Variants in HAS3 observed in about 807,000 individuals in gnomAD.
HAS3 encodes the protein hyaluronan synthase 3.
A neutral mutation model predicts 50.3 loss-of-function variants in HAS3; 27 were observed. That is an observed-to-expected ratio of 0.54 (90% confidence interval 0.40 to 0.74). The LOEUF (loss-of-function observed/expected upper bound fraction) is 0.74. HAS3 is among the 30% of genes least tolerant of loss of function. The pLI, the probability that HAS3 is intolerant of heterozygous loss-of-function variation, is 0.00. For missense variants in HAS3, 517 were observed against 742.8 expected, an observed-to-expected ratio of 0.70 and a Z score of 3.53; for synonymous variants, 339 against 310.9, an observed-to-expected ratio of 1.09 and a Z score of -0.95.
At chr16:69,111,508 C>T (rs1961001027) in intron 2 of HAS3, among the ~76,000 whole-genome samples, 1 of 152,216 alleles carries the variant, frequency 6.6e-6, no homozygotes, top group Admixed American at 6.5e-5. Context: ...GCCAGCCCAC[C>T]TGTGTACCAA....
downstream of HAS3, chr16:69,117,709 G>A (rs921175918): frequency 1.3e-4 from 125 of 928,636 alleles, no homozygotes; most frequent in Admixed American, 1.9e-4. Flanking sequence ...CTTTATTCCA[G>A]TTTCCAAAGA....
the HAS3 span, among the ~76,000 whole-genome samples, chr16:69,096,131 G>A: frequency 2.7e-5 from 4 of 149,768 alleles, no homozygotes; most frequent in Non-Finnish European, 5.9e-5. Context: ...CAGGAGAATC[G>A]CTTGAACCTA....
chr16:69,117,211 A>G lies in HAS3; in HGVS notation c.*1945A>G, dbSNP rs150005903. ...AGGAAATCCGGTCAGCCAAGTGCAG[A>G]GTTCAGACTTCGCTAAGGGCTTGTT... On this transcript the variant is annotated 3_prime_UTR_variant, in exon 4 of 4. Transcript: ENST00000569188. The G allele has an allele frequency of 9.3e-4, 917 of 985,876 alleles. 47 individuals carry two copies. In the Admixed American group the frequency reaches 0.048, roughly 51 times the overall value. 61.1% of individuals were successfully genotyped at this position (985,876 alleles called of 1,614,324 possible).
At position 69,114,294 on chromosome 16, in the gene HAS3, C is replaced by T. The variant is rs1394805445; in HGVS notation, c.739-49C>T. ...AGGCCTCGTGGTCTCTGATGTCTGT[C>T]CTCCGGACGTGCAACCTTAGGAGGC... On this transcript the variant is annotated intron_variant, in intron 3 of 3. Coordinates refer to ENST00000569188, the MANE Select transcript of HAS3 (RefSeq NM_001199280.2). The surrounding 1 kb of genome is among the most constrained non-coding windows in gnomAD (Gnocchi z 6.4). 3 of 1,536,112 alleles carry T rather than the reference C, an allele frequency of 2.0e-6. No individual in the cohort carries two copies. The highest frequency in any genetic ancestry group is 1.9e-5 in the Admixed American group (1 of 52,946).
chr16:69,097,980 A>G, the HAS3 span, among the ~76,000 whole-genome samples: 1 of 152,150 alleles, frequency 6.6e-6, no homozygotes, highest in Non-Finnish European at 1.5e-5. Context: ...CTAATCCTAA[A>G]TCCTGGCCCT....
At chr16:69,091,338 G>A in the HAS3 span, among the ~76,000 whole-genome samples, 1 of 152,126 alleles carries the variant, frequency 6.6e-6, no homozygotes, top group Non-Finnish European at 1.5e-5. Context: ...TTTATTGATG[G>A]TTCCATTGAC....
At chr16:69,110,060 A>G in intron 2 of HAS3, 29 bp downstream of exon 2, 1 of 1,573,796 alleles carries the variant, frequency 6.4e-7, no homozygotes, top group Non-Finnish European at 8.6e-7. Flanking sequence ...GAGCGTGTGT[A>G]CATGGGGATA....
At chr16:69,097,279 ATCCTG>A in the HAS3 span, among the ~76,000 whole-genome samples, 3 of 152,106 alleles carry the variant, frequency 2.0e-5, no homozygotes, top group African/African-American at 7.2e-5. Context: ...GTTCAAGACC[ATCCTG>A]GCCAAGATGG....
chr16:69,115,995 G>C lies in HAS3; in HGVS notation c.*729G>C, dbSNP rs1961165824. The C allele has an allele frequency of 1.0e-6, 1 of 985,704 alleles. No homozygotes were observed. The highest frequency in any genetic ancestry group is 1.2e-6 in the Non-Finnish European group (1 of 829,944). The allele number at this position is 985,704 out of a possible 1,614,324, so 61.1% of individuals were successfully genotyped here. ...AAAGGAGGCCATAAGCTACACAGAG[G>C]CCTTGGGTGTTCCACCTGGAAACTG... On this transcript the variant is annotated 3_prime_UTR_variant, in exon 4 of 4. Coordinates refer to ENST00000569188, the MANE Select transcript of HAS3 (RefSeq NM_001199280.2).
the HAS3 span, among the ~76,000 whole-genome samples, chr16:69,095,659 T>G: frequency 6.6e-6 from 1 of 151,408 alleles, no homozygotes; most frequent in African/African-American, 2.4e-5. Flanking sequence ...GACATGGGAA[T>G]CACTACATTG....
intron 2 of HAS3, among the ~76,000 whole-genome samples, chr16:69,110,576 C>T (rs933964607): frequency 6.6e-6 from 1 of 152,194 alleles, no homozygotes; most frequent in African/African-American, 2.4e-5. Flanking sequence ...TACACCACCG[C>T]ACCCAGCTCC....
chr16:69,087,696 CTTTTTTTTTTTTT>C, the HAS3 span, among the ~76,000 whole-genome samples: 20 of 82,638 alleles, frequency 2.4e-4, no homozygotes, highest in African/African-American at 8.7e-4. Flanking sequence ...CCGCACCCGG[CTTTTTTTTTTTTT>C]TTTTTTTTTT....
At position 69,115,299 on chromosome 16, in the gene HAS3, T is replaced by C. The variant is rs1961145862; in HGVS notation, c.*33T>C. 1.3e-6 allele frequency: 2 copies of C among 1,500,696 alleles called. No homozygotes were observed. The highest frequency in any genetic ancestry group is 8.9e-7 in the Non-Finnish European group (1 of 1,128,310). The allele number at this position is 1,500,696 out of a possible 1,614,324, so 93.0% of individuals were successfully genotyped here. A position where few individuals can be genotyped will look rare whatever the true frequency, so the allele number is the denominator to read the frequency against. Reference sequence around the variant, plus strand: ...CCCAAGCAGAGCGGGTAAAGTGCAATGGGTAAGGGAGGGAAGGGGAATGGA... The same window carrying C: ...CCCAAGCAGAGCGGGTAAAGTGCAACGGGTAAGGGAGGGAAGGGGAATGGA... On this transcript the variant is annotated 3_prime_UTR_variant, in exon 4 of 4. Coordinates refer to ENST00000569188, the MANE Select transcript of HAS3 (RefSeq NM_001199280.2).
At chr16:69,087,233 C>T in the HAS3 span, among the ~76,000 whole-genome samples, 1 of 152,328 alleles carries the variant, frequency 6.6e-6, no homozygotes, top group Middle Eastern at 3.4e-3. Flanking sequence ...CTTCCCAGGC[C>T]CGCCATCCAC....
the HAS3 span, among the ~76,000 whole-genome samples, chr16:69,089,727 C>T: frequency 6.6e-5 from 10 of 152,304 alleles, no homozygotes; most frequent in East Asian, 1.9e-4. Flanking sequence ...ACCCCACCTT[C>T]GGCCCTGGAA....
chr16:69,096,534 CAAAAAAAAAAAAAAA>C, the HAS3 span, among the ~76,000 whole-genome samples: 39 of 35,340 alleles, frequency 1.1e-3, no homozygotes, highest in Admixed American at 3.6e-3. Flanking sequence ...GACTCTGTCT[CAAAAAAAAAAAAAAA>C]AAAAAAAAAA....
the HAS3 span, among the ~76,000 whole-genome samples, chr16:69,089,188 C>T: frequency 1.3e-5 from 2 of 152,190 alleles, no homozygotes; most frequent in Non-Finnish European, 2.9e-5. Context: ...TGCTGCCTGC[C>T]ACCTGACTGT....
At chr16:69,087,939 G>A in the HAS3 span, among the ~76,000 whole-genome samples, 1 of 147,880 alleles carries the variant, frequency 6.8e-6, no homozygotes, top group Non-Finnish European at 1.5e-5. Flanking sequence ...CCTGACCTCA[G>A]GTGTTCTGCC....
At chr16:69,105,301 T>G (rs1960761538), upstream of HAS3, among the ~76,000 whole-genome samples, 1 of 152,136 alleles carries the variant, frequency 6.6e-6, no homozygotes, top group Admixed American at 6.5e-5. Flanking sequence ...GGTTCTAAAC[T>G]TCTTGTCTCT....
Sources: allele counts gnomAD v4.1 joint callset (sites outside exome capture counted in the v4.1 genomes callset), GRCh38; gene constraint gnomAD v4.1.1; non-coding constraint Gnocchi (gnomAD v3.1); transcripts MANE v1.5; gene names NCBI Gene and HGNC (gene_info 2026-07-23, HGNC 2026-07-21).